NRG1: variants seen among roughly 807,000 people sequenced by gnomAD.
NRG1 encodes the protein pro-neuregulin-1, membrane-bound isoform.
A neutral mutation model predicts 63.8 loss-of-function variants in NRG1; 18 were observed. The ratio of observed to expected loss-of-function variants is 0.28; its 90% CI spans 0.19 to 0.42. The LOEUF (loss-of-function observed/expected upper bound fraction) is 0.42. Among genes scored for constraint, NRG1 ranks in the 10% least tolerant of loss-of-function variants. The probability of loss-of-function intolerance (pLI) is 1.00; values close to 1 mark genes in which losing one functional copy is unlikely to be tolerated. For missense variants in NRG1, 762 were observed against 814.7 expected (o/e 0.94, Z 0.79); for synonymous variants, 302 against 301.3 (o/e 1.00, Z -0.02).
chr8:32,065,062 A>G (rs193059541), intron 1 of NRG1, among the ~76,000 whole-genome samples: 202 of 152,060 alleles, frequency 1.3e-3, no homozygotes, highest in Admixed American at 3.7e-3. Flanking sequence ...AGAGTTTCTT[A>G]TATTTAAAAA....
intron 5 of NRG1, among the ~76,000 whole-genome samples, chr8:32,634,130 GCAGCAGAGA>G (rs1173998231): frequency 4.0e-5 from 4 of 99,486 alleles, no homozygotes; most frequent in African/African-American, 2.5e-4. Flanking sequence ...GTTGCATAAA[GCAGCAGAGA>G]CAGGATCAAC....
chr8:32,764,915 G>T (rs1051171394), exon 12 of NRG1: 3 of 152,378 alleles, frequency 2.0e-5, no homozygotes, highest in Non-Finnish European at 4.4e-5. Context: ...CCAGCCAAAG[G>T]TTTGCCTCAT....
At chr8:31,829,198 T>A (rs117971544) in intron 1 of NRG1, among the ~76,000 whole-genome samples, 7,459 of 152,318 alleles carry the variant, frequency 0.049, 234 homozygotes, top group Middle Eastern at 0.13. Context: ...CTTGTAACCT[T>A]GTTAGACTGC....
Position 32,352,914 on chromosome 8 carries a change from TAG to T in NRG1, c.38-242900_38-242899del, listed in dbSNP as rs796414298. ...ATATATATATACATATATATATATA[TAG>T]AGAGAGAGAGAGACTATATATATGT... On this transcript the variant is annotated intron_variant, in intron 1 of 10. Transcript: ENST00000519301. Among the ~76,000 whole-genome samples the T allele has an allele frequency of 5.7e-3, 506 of 89,468 alleles. 1 individual carries two copies. Among genetic ancestry groups the T allele is most frequent in the African/African-American group, 0.014 (456 of 31,996 alleles). The allele number at this position is 89,468 out of a possible 152,430, so 58.7% of individuals were successfully genotyped here. A position where few individuals can be genotyped will look rare whatever the true frequency, so the allele number is the denominator to read the frequency against.
At chr8:32,220,327 C>T (rs951776430) in intron 1 of NRG1, among the ~76,000 whole-genome samples, 1 of 152,144 alleles carries the variant, frequency 6.6e-6, no homozygotes, top group Non-Finnish European at 1.5e-5. Flanking sequence ...GGTTATAAAG[C>T]ATCTGCTTCT....
intron 1 of NRG1, among the ~76,000 whole-genome samples, chr8:31,994,005 A>G (rs1263693099): frequency 6.6e-6 from 1 of 151,974 alleles, no homozygotes; most frequent in Non-Finnish European, 1.5e-5. Flanking sequence ...TCATTTTTGC[A>G]ACATTCAGTA....
chr8:31,813,516 C>CTTTTCTTTTTTTTTTTTTTTT, intron 1 of NRG1, among the ~76,000 whole-genome samples: 2 of 101,216 alleles, frequency 2.0e-5, no homozygotes, highest in Non-Finnish European at 3.9e-5. Context: ...CTTTTCTTTT[C>CTTTTCTTTTTTTTTTTTTTTT]TTTTTTTTTT....
intron 1 of NRG1, among the ~76,000 whole-genome samples, chr8:31,657,103 A>G (rs893246081): frequency 7.2e-5 from 11 of 152,212 alleles, no homozygotes; most frequent in African/African-American, 2.7e-4. Flanking sequence ...ATGCATTCAT[A>G]GCTATTATTT....
chr8:32,541,405 C>G (rs1163868995), intron 1 of NRG1, among the ~76,000 whole-genome samples: 4 of 151,842 alleles, frequency 2.6e-5, no homozygotes, highest in Non-Finnish European at 4.4e-5. Context: ...TGTTTCACTC[C>G]ATACAGCCCT....
intron 1 of NRG1, among the ~76,000 whole-genome samples, chr8:32,042,839 A>C (rs987982632): frequency 1.3e-5 from 2 of 152,206 alleles, no homozygotes; most frequent in African/African-American, 4.8e-5. Flanking sequence ...AAATTATTTC[A>C]TATGAACAAC....
intron 1 of NRG1, among the ~76,000 whole-genome samples, chr8:31,737,765 C>T (rs571373711): frequency 1.3e-5 from 2 of 152,102 alleles, no homozygotes; most frequent in African/African-American, 4.8e-5. Flanking sequence ...CCCTTAAGGT[C>T]TGTTCTATGG....
chr8:31,714,536 C>A (rs185671745), intron 1 of NRG1, among the ~76,000 whole-genome samples: 1 of 152,186 alleles, frequency 6.6e-6, no homozygotes, highest in Admixed American at 6.5e-5. Context: ...TGTTACTATT[C>A]TGACCATAAA....
intron 1 of NRG1, among the ~76,000 whole-genome samples, chr8:32,551,466 A>C (rs1166817855): frequency 6.6e-6 from 1 of 152,194 alleles, no homozygotes; most frequent in Non-Finnish European, 1.5e-5. Context: ...TCAGCCACTC[A>C]GCCCCGCTGT....
At position 32,760,325 on chromosome 8, in the gene NRG1, GA is replaced by G; in HGVS notation, c.1179del (p.Gly394AlafsTer32). 1 of 1,614,048 alleles carries G rather than the reference GA, an allele frequency of 6.2e-7. No individual in the cohort carries two copies. Among genetic ancestry groups the G allele is most frequent in the Non-Finnish European group, 8.5e-7 (1 of 1,179,972 alleles). Reference sequence around the variant, plus strand: ...CCAAGAGGACGTCTTAATGGCACAGGAGGCCCTCGTGAATGTAACAGCTTCC... The same window carrying G: ...CCAAGAGGACGTCTTAATGGCACAGGGGCCCTCGTGAATGTAACAGCTTCC... On this transcript the variant is annotated frameshift_variant, in exon 11 of 12. Transcript: ENST00000356819. LOFTEE classifies it high-confidence loss of function.
chr8:32,273,196 G>A (rs1851727508), intron 1 of NRG1, among the ~76,000 whole-genome samples: 1 of 152,128 alleles, frequency 6.6e-6, no homozygotes, highest in African/African-American at 2.4e-5. Flanking sequence ...TATGTGCTTT[G>A]TGGTTGTGGG....
At chr8:32,130,084 G>A (rs978413760) in intron 1 of NRG1, among the ~76,000 whole-genome samples, 1 of 151,832 alleles carries the variant, frequency 6.6e-6, no homozygotes, top group Non-Finnish European at 1.5e-5. Context: ...GCAGTTTAAC[G>A]TCATCGTTTA....
intron 5 of NRG1, among the ~76,000 whole-genome samples, chr8:32,690,457 G>A (rs753718495): frequency 6.6e-6 from 1 of 152,130 alleles, no homozygotes; most frequent in Non-Finnish European, 1.5e-5. Context: ...CCATCCTCCA[G>A]AGATGTATGC....
chr8:32,509,313 C>T (rs1828908864), intron 1 of NRG1, among the ~76,000 whole-genome samples: 1 of 152,080 alleles, frequency 6.6e-6, no homozygotes, highest in Non-Finnish European at 1.5e-5. Flanking sequence ...AGGCTGGTCT[C>T]AAATTCCCAG....
chr8:32,482,359 C>T (rs959677399), intron 1 of NRG1, among the ~76,000 whole-genome samples: 8 of 150,658 alleles, frequency 5.3e-5, no homozygotes, highest in Non-Finnish European at 8.8e-5. Flanking sequence ...CCTTATGGAA[C>T]CAATCCAAAT....
Sources: allele counts gnomAD v4.1 joint callset (sites outside exome capture counted in the v4.1 genomes callset), GRCh38; gene constraint gnomAD v4.1.1; transcripts MANE v1.5; gene names NCBI Gene and HGNC (gene_info 2026-07-23, HGNC 2026-07-21).